Variants in CLYBL observed in about 807,000 individuals in gnomAD.
CLYBL encodes the protein citramalyl-CoA lyase.
CLYBL carries 31 observed loss-of-function variants against 38.9 expected under a neutral mutation model. That is an observed-to-expected ratio of 0.80 (90% CI 0.60 to 1.08). CLYBL has a LOEUF of 1.08. Among genes scored for constraint, CLYBL ranks in the 50% least tolerant of loss-of-function variants. The probability of loss-of-function intolerance (pLI) is 0.00; values close to 1 mark genes in which losing one functional copy is unlikely to be tolerated. For missense variants in CLYBL, 434 were observed against 411.6 expected (o/e 1.05, Z -0.47); for synonymous variants, 171 against 158.6 (o/e 1.08, Z -0.59).
At chr13:99,769,502 T>C (rs1441352630) in intron 1 of CLYBL, among the ~76,000 whole-genome samples, 3 of 152,194 alleles carry the variant, frequency 2.0e-5, no homozygotes, top group Non-Finnish European at 2.9e-5. Flanking sequence ...TTTAGGGAAA[T>C]GTATATGTTG....
chr13:99,639,418 A>G (rs2047064305), intron 1 of CLYBL, among the ~76,000 whole-genome samples: 2 of 152,240 alleles, frequency 1.3e-5, no homozygotes, highest in Admixed American at 6.5e-5. Context: ...GGTAACCATA[A>G]CAATAAATCC....
intron 2 of CLYBL, among the ~76,000 whole-genome samples, chr13:99,836,158 C>T (rs937737030): frequency 3.3e-5 from 5 of 151,996 alleles, no homozygotes; most frequent in African/African-American, 4.8e-5. Flanking sequence ...AGCTTCCAGC[C>T]GTGAGTATGA....
At chr13:99,670,727 C>T (rs920851530) in intron 1 of CLYBL, among the ~76,000 whole-genome samples, 1 of 152,136 alleles carries the variant, frequency 6.6e-6, no homozygotes, top group African/African-American at 2.4e-5. Context: ...TTAGCTACAC[C>T]TTCCGTGGTC....
intron 1 of CLYBL, among the ~76,000 whole-genome samples, chr13:99,749,211 A>T (rs914181949): frequency 2.0e-5 from 3 of 151,978 alleles, no homozygotes; most frequent in Non-Finnish European, 1.5e-5. Context: ...AAGAAAAAAG[A>T]CTTCCGTCAT....
intron 1 of CLYBL, among the ~76,000 whole-genome samples, chr13:99,701,883 G>A (rs1438977593): frequency 6.6e-6 from 1 of 151,924 alleles, no homozygotes; most frequent in East Asian, 1.9e-4. Flanking sequence ...TGTTGGCCAG[G>A]CTGGTCTCAA....
chr13:99,705,965 C>T (rs2048140633), intron 1 of CLYBL, among the ~76,000 whole-genome samples: 1 of 150,932 alleles, frequency 6.6e-6, no homozygotes, highest in East Asian at 2.0e-4. Context: ...GAGTTTTCCT[C>T]TTGCTGCCCA....
intron 2 of CLYBL, among the ~76,000 whole-genome samples, chr13:99,848,154 C>G (rs112467836): frequency 1.3e-5 from 2 of 152,142 alleles, no homozygotes; most frequent in Non-Finnish European, 2.9e-5. Flanking sequence ...AGAGGCCACC[C>G]GAGTCCCAGA....
At chr13:99,692,394 C>A (rs1404177530) in intron 1 of CLYBL, among the ~76,000 whole-genome samples, 6 of 151,964 alleles carry the variant, frequency 3.9e-5, no homozygotes, top group African/African-American at 1.4e-4. Context: ...CGGGTTCACG[C>A]CATTCCCCGG....
At chr13:99,607,048 C>T (rs1214103748) in intron 1 of CLYBL, among the ~76,000 whole-genome samples, 1 of 152,220 alleles carries the variant, frequency 6.6e-6, no homozygotes. Context: ...AAATGGCAAA[C>T]GTGAACGCGC....
At chr13:99,786,530 A>G (rs9557304) in intron 2 of CLYBL, among the ~76,000 whole-genome samples, 44,114 of 152,008 alleles carry the variant, frequency 0.29, 8,221 homozygotes, top group Middle Eastern at 0.45. Flanking sequence ...TACAAAGGAC[A>G]TGAACTCATC....
At chr13:99,642,542 G>T (rs186638321) in intron 1 of CLYBL, among the ~76,000 whole-genome samples, 38 of 142,444 alleles carry the variant, frequency 2.7e-4, no homozygotes, top group African/African-American at 9.7e-4. Flanking sequence ...AGCTTCCCGA[G>T]TAGCTAAGAC....
rs572904936 is a variant in CLYBL at position 99,756,694 on chromosome 13, G to A, written c.63-16130G>A. ...GACCGCTCTTCCAGTGTTGCCCAGG[G>A]AAGCCAAAAGGTTAGACAGTCCTGG... On this transcript the variant is annotated intron_variant, in intron 1 of 8. Transcript: ENST00000339105. Among the ~76,000 whole-genome samples, 75 of 152,154 alleles carry A rather than the reference G, an allele frequency of 4.9e-4. 1 individual carries two copies. Among genetic ancestry groups the A allele is most frequent in the African/African-American group, 1.7e-3 (71 of 41,480 alleles).
chr13:99,838,142 T>C (rs1312118475), intron 2 of CLYBL, among the ~76,000 whole-genome samples: 1 of 152,196 alleles, frequency 6.6e-6, no homozygotes, highest in Non-Finnish European at 1.5e-5. Flanking sequence ...AAGTTTCAGC[T>C]AACTTTTTAA....
intron 1 of CLYBL, among the ~76,000 whole-genome samples, chr13:99,628,052 A>G (rs539187191): frequency 1.1e-4 from 17 of 152,360 alleles, no homozygotes; most frequent in African/African-American, 3.8e-4. Flanking sequence ...GAAGTTTACA[A>G]AACCCATCGG....
intron 2 of CLYBL, among the ~76,000 whole-genome samples, chr13:99,821,585 TCTC>T (rs1432327212): frequency 6.6e-6 from 1 of 152,230 alleles, no homozygotes; most frequent in Admixed American, 6.5e-5. Flanking sequence ...TGGTCAAAGC[TCTC>T]CTCTTCTCCC....
intron 1 of CLYBL, among the ~76,000 whole-genome samples, chr13:99,632,236 A>G (rs755338853): frequency 6.6e-6 from 1 of 152,194 alleles, no homozygotes; most frequent in Non-Finnish European, 1.5e-5. Flanking sequence ...CTACTAAACT[A>G]TGTGTCTGCA....
chr13:99,826,037 T>C (rs2050689006), intron 2 of CLYBL, among the ~76,000 whole-genome samples: 1 of 152,204 alleles, frequency 6.6e-6, no homozygotes, highest in Non-Finnish European at 1.5e-5. Context: ...GGCCAGACTC[T>C]TCAGGGCCTG....
chr13:99,795,726 C>G (rs2050009098), intron 2 of CLYBL, among the ~76,000 whole-genome samples: 1 of 152,142 alleles, frequency 6.6e-6, no homozygotes. Context: ...GAAAGATGAG[C>G]CAGGTGCTGG....
At chr13:99,771,143 C>T (rs1202502381) in intron 1 of CLYBL, among the ~76,000 whole-genome samples, 1 of 150,412 alleles carries the variant, frequency 6.6e-6, no homozygotes, top group Non-Finnish European at 1.5e-5. Flanking sequence ...CTTAATCAAT[C>T]CTCCCACCTC....
Sources: allele counts gnomAD v4.1 joint callset (sites outside exome capture counted in the v4.1 genomes callset), GRCh38; gene constraint gnomAD v4.1.1; transcripts MANE v1.5; gene names NCBI Gene and HGNC (gene_info 2026-07-23, HGNC 2026-07-21).